Variants in C10orf143 observed in about 807,000 individuals in gnomAD.
C10orf143 encodes the protein chromosome 10 open reading frame 143, also known as uncharacterized protein C10orf143.
chr10:130,110,683 G>A lies in C10orf143; in HGVS notation c.69+21C>T, dbSNP rs567416324. 1.1e-3 allele frequency: 427 copies of A among 398,598 alleles called. 1 individual carries two copies. Among genetic ancestry groups the A allele is most frequent in the Non-Finnish European group, 1.8e-3 (397 of 226,022 alleles). 24.7% of individuals were successfully genotyped at this position (398,598 alleles called of 1,614,324 possible). On this transcript the variant is annotated intron_variant, in intron 1 of 3. Coordinates refer to ENST00000637128, the MANE Select transcript of C10orf143 (RefSeq NM_001355042.2). ...GGCCATCCGCCCTCCCGTCCCTAAC[G>A]CCCAGGCCCCGGGGGCTCACCACGT... is the stretch of plus-strand genomic sequence containing the variant.
At chr10:130,055,802 C>T (rs376395854) in intron 3 of C10orf143, among the ~76,000 whole-genome samples, 29 of 151,476 alleles carry the variant, frequency 1.9e-4, no homozygotes, top group African/African-American at 6.5e-4. Context: ...AAAAAATAGC[C>T]GGATGTGGTG....
intron 1 of C10orf143, among the ~76,000 whole-genome samples, chr10:130,096,850 T>TAAA (rs71007592): frequency 1.2e-4 from 17 of 142,400 alleles, no homozygotes; most frequent in African/African-American, 3.4e-4. Context: ...TAAAATATAT[T>TAAA]AAAAAAAAAA....
chr10:130,041,774 A>G (rs1312500373), intron 3 of C10orf143, among the ~76,000 whole-genome samples: 2 of 152,180 alleles, frequency 1.3e-5, no homozygotes, highest in African/African-American at 4.8e-5. Context: ...TAAGTGAAAA[A>G]AACTTGTAGG....
intron 3 of C10orf143, among the ~76,000 whole-genome samples, chr10:130,047,567 A>AG (rs756813379): frequency 6.6e-6 from 1 of 152,136 alleles, no homozygotes; most frequent in Non-Finnish European, 1.5e-5. Flanking sequence ...TAACTTACTA[A>AG]GGCCCCCCGC....
chr10:130,090,768 G>GATA (rs1564966215), intron 1 of C10orf143, among the ~76,000 whole-genome samples: 1 of 152,098 alleles, frequency 6.6e-6, no homozygotes, highest in Non-Finnish European at 1.5e-5. Flanking sequence ...TTGAGTAGGC[G>GATA]GTTTTCCCCT....
At chr10:130,036,625 C>T (rs980941938) in intron 3 of C10orf143, among the ~76,000 whole-genome samples, 1 of 152,150 alleles carries the variant, frequency 6.6e-6, no homozygotes, top group Admixed American at 6.5e-5. Flanking sequence ...AAGCGTCCTG[C>T]GTTTCAATAG....
At chr10:130,107,563 A>T (rs771378941) in intron 1 of C10orf143, 1 of 1,348,690 alleles carries the variant, frequency 7.4e-7, no homozygotes, top group South Asian at 1.2e-5. Context: ...TTGATGTTCC[A>T]AATACAGCAT....
Position 130,106,950 on chromosome 10 carries a change from A to G in C10orf143, c.69+3754T>C, listed in dbSNP as rs776232702. The G allele has an allele frequency of 4.0e-6, 4 of 997,876 alleles. No homozygotes were observed. The African/African-American group carries it at 6.3e-5, about 16-fold the overall frequency. 61.8% of individuals were successfully genotyped at this position (997,876 alleles called of 1,614,324 possible). A position where few individuals can be genotyped will look rare whatever the true frequency, so the allele number is the denominator to read the frequency against. ...AACAGTGAATCAGAAGATGGTGCTT[A>G]CTTAGATGATCCTCTAAAAGGAGCT... On this transcript the variant is annotated intron_variant, in intron 1 of 3. Transcript: ENST00000637128.
chr10:130,046,285 G>C (rs962723765), intron 3 of C10orf143, among the ~76,000 whole-genome samples: 6 of 152,034 alleles, frequency 3.9e-5, no homozygotes, highest in South Asian at 2.1e-4. Context: ...AATGGGTGGC[G>C]CAGGGCGCAC....
Position 130,047,768 on chromosome 10 carries a change from A to G in C10orf143, c.298-11798T>C, listed in dbSNP as rs551104512. On this transcript the variant is annotated intron_variant and NMD_transcript_variant, in intron 3 of 5. Transcript: ENST00000643056. ...TTTTAACATGGTGGCCTTGGCCTCT[A>G]GTGCCCATAAGAGATGCCCAAACCC... Among the ~76,000 whole-genome samples the G allele has an allele frequency of 6.6e-5, 10 of 152,280 alleles. No homozygotes were observed. The South Asian group carries it at 1.0e-3, about 16-fold the overall frequency.
chr10:130,079,567 G>A lies in C10orf143; in HGVS notation c.296C>T (p.Ser99Phe), dbSNP rs572330566. ...CAGCAAGAAGGTTAATGCACTTACA[G>A]ATTCCCCTGCAATACATCTTGGGCA... ...QPCPRCIAGE[S>F]GHFSHTKNH The change falls in exon 3 of 4, where the codon TCT becomes TTT. Residue 99 changes from serine to phenylalanine, a missense_variant and splice_region_variant. Ser to Phe is a radical substitution (Grantham distance 155). Transcript: ENST00000637128. 4 of 399,054 alleles carry A rather than the reference G, an allele frequency of 1.0e-5. No individual in the cohort carries two copies. The South Asian group carries it at 5.1e-4, about 51-fold the overall frequency. 24.7% of individuals were successfully genotyped at this position (399,054 alleles called of 1,614,324 possible).
At chr10:130,070,924 G>A (rs1049651622) in intron 3 of C10orf143, among the ~76,000 whole-genome samples, 5 of 151,742 alleles carry the variant, frequency 3.3e-5, no homozygotes, top group Admixed American at 2.6e-4. Context: ...ATTTTGTTTT[G>A]TTTTGTTTTG....
chr10:130,108,485 T>C lies in C10orf143; in HGVS notation c.69+2219A>G, dbSNP rs566456522. The stretch of plus-strand genomic sequence containing the variant: ...TTTTTGCTCTCTTCAAAAGTAATTC[T>C]GACTGATCTCATTTCAAGTAACTGC... On this transcript the variant is annotated intron_variant, in intron 1 of 3. Coordinates refer to ENST00000637128, the MANE Select transcript of C10orf143 (RefSeq NM_001355042.2). 136 of 741,886 alleles carry C rather than the reference T, an allele frequency of 1.8e-4. 2 individuals carry two copies. Among genetic ancestry groups the C allele is most frequent in the South Asian group, 1.8e-3 (126 of 70,152 alleles). 46.0% of individuals were successfully genotyped at this position (741,886 alleles called of 1,614,324 possible). A position where few individuals can be genotyped will look rare whatever the true frequency, so the allele number is the denominator to read the frequency against.
At chr10:130,063,137 C>A (rs749260005), downstream of C10orf143, among the ~76,000 whole-genome samples, 3 of 152,128 alleles carry the variant, frequency 2.0e-5, no homozygotes, top group African/African-American at 7.2e-5. Context: ...CTGTTCTCTA[C>A]AAAAGCCAGC....
chr10:130,060,382 C>T (rs762573266), downstream of C10orf143, among the ~76,000 whole-genome samples: 3 of 152,102 alleles, frequency 2.0e-5, no homozygotes, highest in Non-Finnish European at 2.9e-5. Flanking sequence ...TAGATACAAC[C>T]TAAGCACTCA....
chr10:130,075,503 G>A (rs1323999074), intron 3 of C10orf143, among the ~76,000 whole-genome samples: 1 of 152,118 alleles, frequency 6.6e-6, no homozygotes, highest in African/African-American at 2.4e-5. Flanking sequence ...ATTAGCGCTG[G>A]TAAGAAAACA....
intron 3 of C10orf143, among the ~76,000 whole-genome samples, chr10:130,058,842 T>C (rs1463127926): frequency 6.6e-6 from 1 of 152,020 alleles, no homozygotes; most frequent in Non-Finnish European, 1.5e-5. Flanking sequence ...TTTGACAAAA[T>C]GATCCTAAAG....
At chr10:130,073,072 A>G (rs561697365) in intron 3 of C10orf143, among the ~76,000 whole-genome samples, 1 of 152,216 alleles carries the variant, frequency 6.6e-6, no homozygotes, top group African/African-American at 2.4e-5. Context: ...CTTTGATTCT[A>G]CTGTTTATTT....
chr10:130,059,230 G>C (rs543737235), downstream of C10orf143, among the ~76,000 whole-genome samples: 25 of 152,214 alleles, frequency 1.6e-4, no homozygotes, highest in African/African-American at 1.9e-4. Context: ...GGAAAGAAAG[G>C]CCTTTCTCAA....
Sources: allele counts gnomAD v4.1 joint callset (sites outside exome capture counted in the v4.1 genomes callset), GRCh38; gene constraint gnomAD v4.1.1; transcripts MANE v1.5; gene names NCBI Gene and HGNC (gene_info 2026-07-23, HGNC 2026-07-21).